PARD3B: variants seen among roughly 807,000 people sequenced by gnomAD.
PARD3B encodes partitioning defective 3 homolog B.
In PARD3B, 103 loss-of-function variants were observed where a neutral mutation model predicts 130.2. The observed-to-expected ratio is 0.79, with a 90% confidence interval of 0.67 to 0.93. PARD3B has a LOEUF of 0.93. Among genes scored for constraint, PARD3B ranks in the 40% least tolerant of loss-of-function variants. The pLI is 0.00. For missense variants in PARD3B, 1,609 were observed against 1,499.2 expected, an observed-to-expected ratio of 1.07 and a Z score of -1.21; for synonymous variants, 583 against 553.2, an observed-to-expected ratio of 1.05 and a Z score of -0.76.
chr2:204,709,543 A>G (rs1482121137), intron 2 of PARD3B, among the ~76,000 whole-genome samples: 1 of 152,186 alleles, frequency 6.6e-6, no homozygotes, highest in African/African-American at 2.4e-5. Context: ...AGTACATACT[A>G]CCTTTGGCTC....
In PARD3B at chr2:205,230,357, T is replaced by C. The variant is rs2038772054; in HGVS notation, c.2141-15421T>C. 6.6e-6 allele frequency among the ~76,000 whole-genome samples: 1 copy of C among 152,194 alleles called. No homozygotes were observed. The highest frequency in any genetic ancestry group is 1.5e-5 in the Non-Finnish European group (1 of 68,048). ...TCTTTAGTCAGCAAGTGATGAATCC[T>C]ACCAGGTCTGGGTTCTCCCCTTCAA... On this transcript the variant is annotated intron_variant, in intron 15 of 22. Coordinates refer to ENST00000406610, the MANE Select transcript of PARD3B (RefSeq NM_001302769.2). The surrounding 1 kb of genome is among the most constrained non-coding windows in gnomAD (Gnocchi z 4.1).
At chr2:204,898,798 G>A (rs2046740773) in intron 2 of PARD3B, among the ~76,000 whole-genome samples, 2 of 152,250 alleles carry the variant, frequency 1.3e-5, no homozygotes, top group South Asian at 2.1e-4. Context: ...ATTTCTGGGT[G>A]CTTTGTGTTG....
At chr2:205,574,672 C>T (rs1022563744) in intron 22 of PARD3B, among the ~76,000 whole-genome samples, 4 of 151,952 alleles carry the variant, frequency 2.6e-5, no homozygotes, top group African/African-American at 7.3e-5. Flanking sequence ...TAACATGCTG[C>T]CTGAACATTT....
intron 12 of PARD3B, among the ~76,000 whole-genome samples, chr2:205,175,325 G>A (rs1201510124): frequency 3.3e-5 from 5 of 152,160 alleles, no homozygotes; most frequent in Admixed American, 3.3e-4. Context: ...TCCTATACCA[G>A]GCTCAGTTTG....
At chr2:205,211,294 C>T (rs1274543945) in intron 15 of PARD3B, among the ~76,000 whole-genome samples, 2 of 152,062 alleles carry the variant, frequency 1.3e-5, no homozygotes, top group African/African-American at 4.8e-5. Context: ...AATTTCAGCT[C>T]CATGTGAATG....
At chr2:204,871,132 T>C (rs2045615718) in intron 2 of PARD3B, among the ~76,000 whole-genome samples, 1 of 152,172 alleles carries the variant, frequency 6.6e-6, no homozygotes, top group South Asian at 2.1e-4. Flanking sequence ...TCTTTAATTT[T>C]AGGCCCAAAG....
chr2:205,611,854 A>G (rs2055242149), intron 22 of PARD3B, among the ~76,000 whole-genome samples: 1 of 152,212 alleles, frequency 6.6e-6, no homozygotes, highest in South Asian at 2.1e-4. Flanking sequence ...AGTCACATGA[A>G]AAATGAAAGG....
At position 205,341,596 on chromosome 2, in the gene PARD3B, A is replaced by C; in HGVS notation, c.2630+39895A>C. ...TTGTGGCTATTAGAGGCTGGGAAGCATGGGGGAAGGAGAGGGTAGGGAGAG... is the reference window on the plus strand; with the variant it reads ...TTGTGGCTATTAGAGGCTGGGAAGCCTGGGGGAAGGAGAGGGTAGGGAGAG... On this transcript the variant is annotated intron_variant, in intron 18 of 22. Transcript: ENST00000406610. The surrounding 1 kb of genome is among the most constrained non-coding windows in gnomAD (Gnocchi z 4.3). 6.6e-6 allele frequency among the ~76,000 whole-genome samples: 1 copy of C among 152,130 alleles called. No individual in the cohort carries two copies. The highest frequency in any genetic ancestry group is 6.6e-5 in the Admixed American group (1 of 15,258).
intron 22 of PARD3B, among the ~76,000 whole-genome samples, chr2:205,578,163 C>T (rs2106562811): frequency 6.6e-6 from 1 of 152,250 alleles, no homozygotes. Flanking sequence ...AACATCTGCC[C>T]CAGGAATTGA....
intron 3 of PARD3B, among the ~76,000 whole-genome samples, chr2:205,035,541 C>A (rs1037718031): frequency 1.1e-4 from 17 of 151,916 alleles, no homozygotes; most frequent in Admixed American, 1.1e-3. Flanking sequence ...TCTTCCAGTG[C>A]CCACATACTT....
At chr2:204,951,960 G>C (rs1294787014) in intron 2 of PARD3B, among the ~76,000 whole-genome samples, 5 of 152,204 alleles carry the variant, frequency 3.3e-5, no homozygotes, top group Non-Finnish European at 7.3e-5. Flanking sequence ...CAAGGAGATA[G>C]TTTACAGGAA....
intron 19 of PARD3B, among the ~76,000 whole-genome samples, chr2:205,424,760 T>C (rs2047085974): frequency 6.6e-6 from 1 of 152,170 alleles, no homozygotes. Context: ...TCCTCATTCT[T>C]TTCCAGATAA....
intron 20 of PARD3B, among the ~76,000 whole-genome samples, chr2:205,495,325 T>C (rs1372264114): frequency 6.6e-6 from 1 of 152,188 alleles, no homozygotes; most frequent in South Asian, 2.1e-4. Context: ...TCACATAAAA[T>C]TCCAGCACAT....
intron 9 of PARD3B, among the ~76,000 whole-genome samples, chr2:205,124,728 T>G (rs2031180837): frequency 2.0e-5 from 3 of 152,198 alleles, no homozygotes; most frequent in African/African-American, 7.2e-5. Context: ...CTCTCTTATT[T>G]CTACCTCTTA....
chr2:204,939,985 G>T (rs1216596747), intron 2 of PARD3B, among the ~76,000 whole-genome samples: 3 of 152,140 alleles, frequency 2.0e-5, no homozygotes, highest in Admixed American at 2.0e-4. Context: ...AAACAAATTG[G>T]TAAGTTGAAA....
In PARD3B at chr2:205,296,657, TTGTGTA is replaced by T. The variant is rs1224272015; in HGVS notation, c.2186-3867_2186-3862del. On this transcript the variant is annotated intron_variant, in intron 16 of 22. Coordinates refer to ENST00000406610, the MANE Select transcript of PARD3B (RefSeq NM_001302769.2). ...TTAACTCTTTAGTCTTGGAGTGTGT[TTGTGTA>T]TGTGTGTGTGTGTGTGTGTGTGTGT... Among the ~76,000 whole-genome samples, 906 of 138,118 alleles carry T rather than the reference TTGTGTA, an allele frequency of 6.6e-3. 4 individuals are homozygous for T. Among genetic ancestry groups the T allele is most frequent in the Non-Finnish European group, 9.9e-3 (649 of 65,612 alleles). The allele number at this position is 138,118 out of a possible 152,430, so 90.6% of individuals were successfully genotyped here.
intron 21 of PARD3B, among the ~76,000 whole-genome samples, chr2:205,505,131 A>G (rs1029643675): frequency 2.6e-4 from 39 of 152,248 alleles, no homozygotes; most frequent in African/African-American, 8.2e-4. Flanking sequence ...TCAGCAAACT[A>G]TCGCAAGGAC....
intron 1 of PARD3B, among the ~76,000 whole-genome samples, chr2:204,599,331 T>G (rs1286344089): frequency 6.6e-6 from 1 of 151,968 alleles, no homozygotes; most frequent in East Asian, 1.9e-4. Context: ...AATTTCTCCC[T>G]ACCTCTTTTC....
At chr2:205,501,696 G>A (rs2050164589) in intron 21 of PARD3B, among the ~76,000 whole-genome samples, 1 of 152,140 alleles carries the variant, frequency 6.6e-6, no homozygotes, top group African/African-American at 2.4e-5. Context: ...AGACAAAGTA[G>A]TCCTGGTTGT....
Sources: gnomAD v4.1 joint callset for allele counts (sites outside exome capture counted in the v4.1 genomes callset) on GRCh38, gnomAD v4.1.1 for gene constraint, Gnocchi (gnomAD v3.1) non-coding constraint, MANE v1.5 for transcripts, NCBI Gene and HGNC (gene_info 2026-07-23, HGNC 2026-07-21) for gene names.